WDR7: variants seen among roughly 807,000 people sequenced by gnomAD.
WDR7 encodes WD repeat-containing protein 7.
WDR7 carries 46 observed loss-of-function variants against 169.4 expected under a neutral mutation model. That is an observed-to-expected ratio of 0.27 (90% confidence interval 0.21 to 0.35). WDR7 has a LOEUF of 0.35. WDR7 is among the 10% of genes least tolerant of loss of function. WDR7 has a pLI of 1.00. For missense variants in WDR7, 1,534 were observed against 1,859.3 expected (o/e 0.83, Z 3.22); for synonymous variants, 612 against 666.8 (o/e 0.92, Z 1.27).
intron 2 of WDR7, among the ~76,000 whole-genome samples, chr18:56,673,285 A>G (rs1454098140): frequency 6.6e-6 from 1 of 152,162 alleles, no homozygotes; most frequent in Non-Finnish European, 1.5e-5. Context: ...AACTCTTTCC[A>G]GGAATTTGTT....
chr18:56,845,161 A>G (rs2045548707), intron 20 of WDR7, among the ~76,000 whole-genome samples: 2 of 152,064 alleles, frequency 1.3e-5, no homozygotes, highest in Non-Finnish European at 1.5e-5. Flanking sequence ...AATTGATCTG[A>G]TATGTCCCAC....
At position 56,938,512 on chromosome 18, in the gene WDR7, CA is replaced by C; in HGVS notation, c.3832-20del. On this transcript the variant is annotated intron_variant, in intron 23 of 27. Coordinates refer to ENST00000254442, the MANE Select transcript of WDR7 (RefSeq NM_015285.3). ...ACTATATCAGTGTCAATCATATCTACAGCATAGAAATGTTTTGTAGGTACAC... is the reference window on the plus strand; with the variant it reads ...ACTATATCAGTGTCAATCATATCTACGCATAGAAATGTTTTGTAGGTACAC... 1 of 1,611,596 alleles carries C rather than the reference CA, an allele frequency of 6.2e-7. No individual in the cohort carries two copies. Among genetic ancestry groups the C allele is most frequent in the Non-Finnish European group, 8.5e-7 (1 of 1,179,244 alleles).
downstream of WDR7, chr18:57,030,874 C>T (rs1259079218): frequency 1.3e-4 from 8 of 60,748 alleles, no homozygotes; most frequent in African/African-American, 3.1e-4. Flanking sequence ...GTTCTTTTTG[C>T]TGTTTAAAAA....
intron 2 of WDR7, among the ~76,000 whole-genome samples, chr18:56,676,886 T>A (rs1029505935): frequency 6.6e-6 from 1 of 152,144 alleles, no homozygotes; most frequent in African/African-American, 2.4e-5. Flanking sequence ...AGTGCTGGAA[T>A]TACAGGCATG....
intron 14 of WDR7, among the ~76,000 whole-genome samples, chr18:56,754,373 G>A (rs143056196): frequency 0.011 from 1,559 of 147,402 alleles, 32 homozygotes; most frequent in African/African-American, 0.037. Context: ...ATATATACAC[G>A]TATATATGTG....
chr18:56,915,497 T>C (rs574517654), intron 21 of WDR7, among the ~76,000 whole-genome samples: 1 of 152,366 alleles, frequency 6.6e-6, no homozygotes, highest in Non-Finnish European at 1.5e-5. Context: ...AAAGTATTTT[T>C]AAAATATGAC....
rs1171225183 is a variant in WDR7, at chr18:57,020,746, C to T, written c.4166C>T (p.Thr1389Ile). 3.1e-6 allele frequency: 5 copies of T among 1,613,600 alleles called. No homozygotes were observed. The highest frequency in any genetic ancestry group is 1.7e-5 in the Admixed American group (1 of 59,902). ...CATGATATCTGAATTTTATTTTAGA[C>T]AATCCATGGACACAAGGGACCAATC... Reference protein sequence around the residue: ...LYDIRTGKCQTIHGHKGPITA... With the variant: ...LYDIRTGKCQIIHGHKGPITA... Residue 1389 changes from threonine to isoleucine, a missense_variant and splice_region_variant, in exon 27 of 28, where the codon ACA (threonine) becomes ATA (isoleucine). By Grantham distance (89) the Thr-to-Ile change is moderately conservative. Coordinates refer to ENST00000254442, the MANE Select transcript of WDR7 (RefSeq NM_015285.3).
At chr18:56,815,532 A>G (rs996269327) in intron 19 of WDR7, among the ~76,000 whole-genome samples, 1 of 152,172 alleles carries the variant, frequency 6.6e-6, no homozygotes, top group Non-Finnish European at 1.5e-5. Context: ...GAATTCCTTC[A>G]TAGAGGGAGA....
At chr18:56,691,191 T>A (rs767547905) in intron 7 of WDR7, 25 bp from the exon 8 acceptor site, 9 of 1,598,178 alleles carry the variant, frequency 5.6e-6, no homozygotes, top group Middle Eastern at 1.7e-4. Context: ...ATGGAGTAGA[T>A]TGTGAATTTC....
chr18:56,912,425 G>A (rs563947089), intron 21 of WDR7, among the ~76,000 whole-genome samples: 1 of 152,286 alleles, frequency 6.6e-6, no homozygotes, highest in South Asian at 2.1e-4. Flanking sequence ...CAAATTATCA[G>A]TAGCCATAGG....
intron 16 of WDR7, among the ~76,000 whole-genome samples, chr18:56,763,628 C>CCTA (rs2044016250): frequency 6.6e-6 from 1 of 152,092 alleles, no homozygotes; most frequent in Non-Finnish European, 1.5e-5. Context: ...AGGAAGTAGC[C>CCTA]CCTTTCCCTG....
intron 1 of WDR7, among the ~76,000 whole-genome samples, chr18:56,670,406 G>A (rs1376010665): frequency 2.0e-5 from 3 of 152,202 alleles, no homozygotes; most frequent in South Asian, 2.1e-4. Flanking sequence ...AGTACGAGTC[G>A]CCAACTAGCT....
intron 14 of WDR7, among the ~76,000 whole-genome samples, chr18:56,743,433 G>T (rs79151598): frequency 1.1e-3 from 164 of 152,254 alleles, no homozygotes; most frequent in African/African-American, 3.9e-3. Flanking sequence ...GTGGTGTGAG[G>T]CATGTGAGGA....
rs549720075 is a variant in WDR7, at chr18:56,671,365, T to C, written c.-19-1132T>C. Among the ~76,000 whole-genome samples the C allele has an allele frequency of 6.9e-4, 104 of 150,854 alleles. 1 individual carries two copies. In the South Asian group the frequency reaches 0.022, roughly 31 times the overall value. The stretch of plus-strand genomic sequence containing the variant: ...GTGCAATGGTGCGATCTTGGCTCAC[T>C]GCAACCTCTGCCTCCCAGGTTCAAG... On this transcript the variant is annotated intron_variant, in intron 1 of 27. Transcript: ENST00000254442.
At chr18:56,803,008 A>G (rs1412884065) in intron 19 of WDR7, among the ~76,000 whole-genome samples, 1 of 151,126 alleles carries the variant, frequency 6.6e-6, no homozygotes, top group Non-Finnish European at 1.5e-5. Context: ...CATGCTTTTT[A>G]TCATGTATCT....
chr18:56,822,322 G>A (rs2045113600), intron 20 of WDR7, among the ~76,000 whole-genome samples: 1 of 152,064 alleles, frequency 6.6e-6, no homozygotes, highest in Non-Finnish European at 1.5e-5. Context: ...GTATAAAACT[G>A]ATACATTAAT....
At chr18:56,774,233 C>G (rs955700149) in intron 16 of WDR7, among the ~76,000 whole-genome samples, 1 of 151,976 alleles carries the variant, frequency 6.6e-6, no homozygotes, top group Non-Finnish European at 1.5e-5. Flanking sequence ...AGTTTAGAAT[C>G]AAATTTCAAT....
At position 56,695,045 on chromosome 18, in the gene WDR7, A is replaced by C; in HGVS notation, c.1204A>C (p.Asn402His). Residue 402 changes from asparagine (N) to histidine (H), a missense_variant, in exon 11 of 28, where the codon AAT becomes CAT. Transcript: ENST00000254442. ...TATAGATCAGCTGAGTGTGATTCCC[A>C]ATAGTAATGAACCTCTTAAAGTAAC... ...GIIDQLSVIP[N>H]SNEPLKVTAS... The C allele has an allele frequency of 6.2e-7, 1 of 1,614,216 alleles. No homozygotes were observed. Among genetic ancestry groups the C allele is most frequent in the South Asian group, 1.1e-5 (1 of 91,084 alleles).
downstream of WDR7, chr18:57,031,405 T>C (rs576903346): frequency 6.6e-6 from 1 of 152,318 alleles, no homozygotes; most frequent in South Asian, 2.1e-4. Context: ...ATTCATTCTG[T>C]AGACAAATAC....
Sources: gnomAD v4.1 joint callset for allele counts (sites outside exome capture counted in the v4.1 genomes callset) on GRCh38, gnomAD v4.1.1 for gene constraint, MANE v1.5 for transcripts, NCBI Gene and HGNC (gene_info 2026-07-23, HGNC 2026-07-21) for gene names.